The following CMIP variants were observed in gnomAD, a reference collection of about 807,000 sequenced individuals.
CMIP encodes the protein c-Maf inducing protein.
A neutral mutation model predicts 97.3 loss-of-function variants in CMIP; 13 were observed. The ratio of observed to expected loss-of-function variants is 0.13; its 90% confidence interval spans 0.09 to 0.21. CMIP has a LOEUF of 0.21. CMIP is among the 10% of genes least tolerant of loss of function. The pLI is 1.00. For missense variants in CMIP, 847 were observed against 1,024.9 expected (o/e 0.83, Z 2.37); for synonymous variants, 538 against 436.3 (o/e 1.23, Z -2.91).
chr16:81,602,595 A>G (rs1266743919), intron 1 of CMIP, among the ~76,000 whole-genome samples: 11 of 152,138 alleles, frequency 7.2e-5, no homozygotes, highest in African/African-American at 2.7e-4. Flanking sequence ...CGCCCGCCCC[A>G]GCGGCTGGCA....
intron 1 of CMIP, among the ~76,000 whole-genome samples, chr16:81,564,159 A>G (rs905779592): frequency 1.3e-5 from 2 of 152,224 alleles, no homozygotes; most frequent in African/African-American, 4.8e-5. Context: ...AGTTGGTCAA[A>G]TACACCTGCC....
chr16:81,540,643 A>AGTGTGTGTGTGTGTGTGT (rs67286788), intron 1 of CMIP, among the ~76,000 whole-genome samples: 16 of 141,986 alleles, frequency 1.1e-4, no homozygotes, highest in African/African-American at 2.7e-4. Context: ...TCTTGTTTTG[A>AGTGTGTGTGTGTGTGTGT]GTGTGTGTGT....
At chr16:81,465,408 T>C (rs549324848) in intron 1 of CMIP, among the ~76,000 whole-genome samples, 1 of 152,288 alleles carries the variant, frequency 6.6e-6, no homozygotes, top group South Asian at 2.1e-4. Flanking sequence ...GCGTCCTTGA[T>C]AGGGGCAGGA....
chr16:81,472,095 C>A (rs112921587), intron 1 of CMIP, among the ~76,000 whole-genome samples: 18 of 152,340 alleles, frequency 1.2e-4, no homozygotes, highest in African/African-American at 4.3e-4. Flanking sequence ...CACGCACATG[C>A]ACATGTGCTC....
At chr16:81,567,829 C>T (rs549835588) in intron 1 of CMIP, among the ~76,000 whole-genome samples, 1 of 152,306 alleles carries the variant, frequency 6.6e-6, no homozygotes, top group South Asian at 2.1e-4. Context: ...CTGTTCACTG[C>T]TGTATATCTG....
At chr16:81,579,967 G>T (rs77797723) in intron 1 of CMIP, among the ~76,000 whole-genome samples, 5,132 of 152,028 alleles carry the variant, frequency 0.034, 114 homozygotes, top group Middle Eastern at 0.082. Context: ...CTCAAAAAAA[G>T]AAATTAAAAA....
At chr16:81,636,778 C>T (rs1464381267) in intron 3 of CMIP, among the ~76,000 whole-genome samples, 1 of 152,130 alleles carries the variant, frequency 6.6e-6, no homozygotes, top group African/African-American at 2.4e-5. Context: ...GAGCCCTACC[C>T]GTTGGTCCTC....
intron 3 of CMIP, among the ~76,000 whole-genome samples, chr16:81,624,562 C>G (rs1448501732): frequency 6.6e-6 from 1 of 151,968 alleles, no homozygotes; most frequent in East Asian, 1.9e-4. Context: ...GTTGGACTTG[C>G]ATCTCTAGGC....
At chr16:81,618,274 A>G (rs2091947522) in intron 2 of CMIP, among the ~76,000 whole-genome samples, 1 of 151,944 alleles carries the variant, frequency 6.6e-6, no homozygotes, top group Non-Finnish European at 1.5e-5. Flanking sequence ...CCAGCTTCTA[A>G]AGGCTGTCCG....
chr16:81,666,464 C>T lies in CMIP; in HGVS notation c.825+2115C>T, dbSNP rs769222749. On this transcript the variant is annotated intron_variant, in intron 7 of 20. Coordinates refer to ENST00000537098, the MANE Select transcript of CMIP (RefSeq NM_198390.3). ...AGGCTCTCGGGGCTTCACCATACAACGCCTTTCTTGTATTTGGTTAGTTTT... is the reference window on the plus strand; with the variant it reads ...AGGCTCTCGGGGCTTCACCATACAATGCCTTTCTTGTATTTGGTTAGTTTT... The T allele has an allele frequency of 2.6e-5, 4 of 152,228 alleles. No homozygotes were observed. In the East Asian group the frequency reaches 5.8e-4, roughly 22 times the overall value. 9.4% of individuals were successfully genotyped at this position (152,228 alleles called of 1,614,324 possible).
chr16:81,477,264 C>G (rs1051012092), intron 1 of CMIP, among the ~76,000 whole-genome samples: 5 of 152,088 alleles, frequency 3.3e-5, no homozygotes, highest in African/African-American at 1.2e-4. Context: ...CAAGTAATTT[C>G]CTGTCCCAGC....
chr16:81,681,587 A>G (rs985110927), intron 10 of CMIP, among the ~76,000 whole-genome samples: 14 of 152,262 alleles, frequency 9.2e-5, no homozygotes, highest in African/African-American at 2.4e-4. Context: ...CAATGGGAGT[A>G]GCCGCCGTTT....
At chr16:81,577,865 TTCA>T (rs1379821777) in intron 1 of CMIP, among the ~76,000 whole-genome samples, 2 of 143,752 alleles carry the variant, frequency 1.4e-5, no homozygotes, top group Non-Finnish European at 1.5e-5. Context: ...CACCATCACC[TTCA>T]TCATCACCAT....
chr16:81,652,114 C>G lies in CMIP; in HGVS notation c.478-89C>G, dbSNP rs997481435. Reference sequence around the variant, plus strand: ...GTCAGTTTCTCAGGGCCCTTTACACCCTAACCCATCTGATTCTTTGATTGT... The same window carrying G: ...GTCAGTTTCTCAGGGCCCTTTACACGCTAACCCATCTGATTCTTTGATTGT... On this transcript the variant is annotated intron_variant, in intron 3 of 20. Transcript: ENST00000537098. This position sits in a 1 kb window ranked among gnomAD's most constrained non-coding sequence, Gnocchi z 5.2. 5 of 1,106,304 alleles carry G rather than the reference C, an allele frequency of 4.5e-6. No homozygotes were observed. Among genetic ancestry groups the G allele is most frequent in the African/African-American group, 1.5e-5 (1 of 64,690 alleles). 68.5% of individuals were successfully genotyped at this position (1,106,304 alleles called of 1,614,324 possible). A position where few individuals can be genotyped will look rare whatever the true frequency, so the allele number is the denominator to read the frequency against.
chr16:81,628,684 G>A (rs1444615335), intron 3 of CMIP, among the ~76,000 whole-genome samples: 4 of 152,080 alleles, frequency 2.6e-5, no homozygotes, highest in East Asian at 1.9e-4. Flanking sequence ...ACAGACACAC[G>A]CTACCCAGAC....
intron 1 of CMIP, among the ~76,000 whole-genome samples, chr16:81,554,335 A>T (rs2090719016): frequency 6.6e-6 from 1 of 152,224 alleles, no homozygotes; most frequent in Non-Finnish European, 1.5e-5. Flanking sequence ...ATGCAAGGAG[A>T]AGCTAAGGAG....
chr16:81,531,444 T>A (rs769394989), intron 1 of CMIP, among the ~76,000 whole-genome samples: 3 of 152,234 alleles, frequency 2.0e-5, no homozygotes, highest in Non-Finnish European at 4.4e-5. Context: ...TATGGTCTGT[T>A]GTTCAGGAGG....
At chr16:81,602,856 C>A (rs982399326) in intron 1 of CMIP, among the ~76,000 whole-genome samples, 2 of 152,284 alleles carry the variant, frequency 1.3e-5, no homozygotes, top group East Asian at 3.9e-4. Flanking sequence ...GAGCTCCGGT[C>A]GTCATGTTCA....
rs936859377 is a variant in CMIP, at chr16:81,657,688, A to G, written c.640-87A>G. The G allele has an allele frequency of 3.9e-5, 45 of 1,164,880 alleles. No homozygotes were observed. In the East Asian group the frequency reaches 7.3e-4, roughly 19 times the overall value. 72.2% of individuals were successfully genotyped at this position (1,164,880 alleles called of 1,614,324 possible). On this transcript the variant is annotated intron_variant, in intron 4 of 20. Coordinates refer to ENST00000537098, the MANE Select transcript of CMIP (RefSeq NM_198390.3). ...GGTCTGTGACGCTGAAGATGTTTCA[A>G]AACTGTGGATCTTGAAATCCAAATG...
Sources: allele counts gnomAD v4.1 joint callset (sites outside exome capture counted in the v4.1 genomes callset), GRCh38; gene constraint gnomAD v4.1.1; non-coding constraint Gnocchi (gnomAD v3.1); transcripts MANE v1.5; gene names NCBI Gene and HGNC (gene_info 2026-07-23, HGNC 2026-07-21).